The following TET1 variants were observed in gnomAD, a reference collection of about 807,000 sequenced individuals.
TET1 encodes tet methylcytosine dioxygenase 1, also known as methylcytosine dioxygenase TET1.
In TET1, 13 loss-of-function variants were observed where a neutral mutation model predicts 148.7. That is an observed-to-expected ratio of 0.09 (90% CI 0.06 to 0.14). TET1 has a LOEUF of 0.14. Among genes scored for constraint, TET1 ranks in the 10% least tolerant of loss-of-function variants. The pLI, the probability that TET1 is intolerant of heterozygous loss-of-function variation, is 1.00. For synonymous variants in TET1, 907 were observed against 937.2 expected, an observed-to-expected ratio of 0.97 and a Z score of 0.59; for missense variants, 2,182 against 2,553.8, an observed-to-expected ratio of 0.85 and a Z score of 3.14.
chr10:68,689,591 C>T (rs2133244200), intron 11 of TET1, among the ~76,000 whole-genome samples: 1 of 152,198 alleles, frequency 6.6e-6, no homozygotes, highest in East Asian at 1.9e-4. Context: ...TCCTGGCCAA[C>T]ATGGTGAAAC....
chr10:68,600,481 G>C (rs908530460), intron 2 of TET1, among the ~76,000 whole-genome samples: 1 of 152,176 alleles, frequency 6.6e-6, no homozygotes, highest in African/African-American at 2.4e-5. Context: ...GAGATCCTTT[G>C]TCTAGGAAGG....
chr10:68,578,691 G>A (rs900358208), intron 2 of TET1, among the ~76,000 whole-genome samples: 1 of 136,240 alleles, frequency 7.3e-6, no homozygotes, highest in Admixed American at 7.4e-5. Context: ...ACATTTTCAG[G>A]AGCAAAATGG....
Position 68,681,412 on chromosome 10 carries a change from A to G in TET1, c.4838A>G (p.Glu1613Gly). 1 of 1,613,322 alleles carries G rather than the reference A, an allele frequency of 6.2e-7. No homozygotes were observed. The highest frequency in any genetic ancestry group is 8.5e-7 in the Non-Finnish European group (1 of 1,179,520). The change falls in exon 9 of 12, where the codon GAA becomes GGA. Residue 1613 changes from glutamate (E) to glycine (G), a missense_variant. Around this residue, in one of 11 missense-constraint regions of TET1, gnomAD observed 55 missense variants for 149.8 expected, o/e 0.37. Transcript: ENST00000373644. The stretch of plus-strand genomic sequence containing the variant: ...GTTTTCCTATAGGAAAAAAACCTTG[A>G]AGATAACTTACAGAGTTTGGCTACA... ...PSSPLHEKNL[E>G]DNLQSLATRL... is the part of the protein sequence containing the mutation.
intron 3 of TET1, among the ~76,000 whole-genome samples, chr10:68,633,265 C>A (rs1357332214): frequency 2.0e-5 from 3 of 152,018 alleles, no homozygotes. Flanking sequence ...TGAACATAAA[C>A]CTTATTTGTA....
chr10:68,563,914 T>C (rs564278684), intron 1 of TET1, among the ~76,000 whole-genome samples: 79 of 152,248 alleles, frequency 5.2e-4, no homozygotes, highest in African/African-American at 1.8e-3. Context: ...ACTCCTGACC[T>C]GAGGTGATCT....
At chr10:68,653,956 A>C (rs904000786) in intron 6 of TET1, among the ~76,000 whole-genome samples, 1 of 151,750 alleles carries the variant, frequency 6.6e-6, no homozygotes, top group Non-Finnish European at 1.5e-5. Context: ...AAAATACATA[A>C]ATTAGCTGGG....
Position 68,641,409 on chromosome 10 carries a change from T to G in TET1, c.1969-3289T>G, listed in dbSNP as rs576366050. On this transcript the variant is annotated intron_variant, in intron 3 of 11. Transcript: ENST00000373644. Reference sequence around the variant, plus strand: ...GTTTTGAATTTCTATGTTTGTGACCTAGGCCAGTTCACATCTCCTTAGGCA... The same window carrying G: ...GTTTTGAATTTCTATGTTTGTGACCGAGGCCAGTTCACATCTCCTTAGGCA... Among the ~76,000 whole-genome samples, 11 of 152,258 alleles carry G rather than the reference T, an allele frequency of 7.2e-5. No individual in the cohort carries two copies. In the East Asian group the frequency reaches 1.2e-3, roughly 16 times the overall value.
At chr10:68,679,348 A>G (rs976426295) in intron 8 of TET1, among the ~76,000 whole-genome samples, 1 of 152,246 alleles carries the variant, frequency 6.6e-6, no homozygotes, top group Non-Finnish European at 1.5e-5. Flanking sequence ...GGTCCACAAC[A>G]GAATAAATAT....
chr10:68,638,178 C>G (rs1490250179), intron 3 of TET1, among the ~76,000 whole-genome samples: 5 of 152,132 alleles, frequency 3.3e-5, no homozygotes, highest in East Asian at 1.9e-4. Flanking sequence ...CTCTATACTT[C>G]TTAGTAGTGT....
At chr10:68,689,883 A>G (rs572405238) in intron 11 of TET1, among the ~76,000 whole-genome samples, 4 of 152,172 alleles carry the variant, frequency 2.6e-5, no homozygotes, top group Non-Finnish European at 4.4e-5. Context: ...CCCACAGTTG[A>G]CATCTTGAGA....
chr10:68,652,845 ATTTTT>A (rs71019047), intron 6 of TET1, among the ~76,000 whole-genome samples: 1 of 101,214 alleles, frequency 9.9e-6, no homozygotes. Context: ...AACCCGGCTA[ATTTTT>A]TTTTTTTTTT....
At chr10:68,606,505 A>C (rs992703892) in intron 3 of TET1, among the ~76,000 whole-genome samples, 2 of 152,172 alleles carry the variant, frequency 1.3e-5, no homozygotes. Flanking sequence ...TTTTAAACAG[A>C]CGGTTATAAT....
intron 3 of TET1, among the ~76,000 whole-genome samples, chr10:68,612,908 A>G (rs2054237750): frequency 6.6e-6 from 1 of 152,130 alleles, no homozygotes; most frequent in Non-Finnish European, 1.5e-5. Context: ...ATGACCCACC[A>G]TGCCTGGCTG....
intron 6 of TET1, among the ~76,000 whole-genome samples, chr10:68,655,660 T>C (rs543651206): frequency 1.3e-5 from 2 of 152,304 alleles, no homozygotes; most frequent in East Asian, 1.9e-4. Flanking sequence ...AGTTTTTTTG[T>C]TTTTGTTTTT....
chr10:68,613,024 C>A (rs1279266551), intron 3 of TET1, among the ~76,000 whole-genome samples: 2 of 152,146 alleles, frequency 1.3e-5, no homozygotes, highest in African/African-American at 2.4e-5. Context: ...ATACATTTAT[C>A]TTTTTAATGA....
chr10:68,642,765 C>A (rs936150461), intron 3 of TET1, among the ~76,000 whole-genome samples: 29 of 152,098 alleles, frequency 1.9e-4, no homozygotes, highest in African/African-American at 7.0e-4. Context: ...CCACCACGCC[C>A]AGCTAATTTT....
Position 68,693,163 on chromosome 10 carries a change from A to G in TET1, c.*1349A>G. ...TCTAGGTAACAGGAAAACAGGCATTAAGTTTATTTTAGTCTTCCCATTTTC... is the reference window on the plus strand; with the variant it reads ...TCTAGGTAACAGGAAAACAGGCATTGAGTTTATTTTAGTCTTCCCATTTTC... On this transcript the variant is annotated 3_prime_UTR_variant, in exon 12 of 12. Transcript: ENST00000373644. 1 of 231,712 alleles carries G rather than the reference A, an allele frequency of 4.3e-6. No individual in the cohort carries two copies. Among genetic ancestry groups the G allele is most frequent in the Non-Finnish European group, 8.5e-6 (1 of 117,470 alleles). The allele number at this position is 231,712 out of a possible 1,614,324, so 14.4% of individuals were successfully genotyped here.
At chr10:68,631,433 C>CTTTTTTTTTTTT (rs546257824) in intron 3 of TET1, among the ~76,000 whole-genome samples, 182 of 110,552 alleles carry the variant, frequency 1.6e-3, no homozygotes, top group African/African-American at 2.1e-3. Context: ...TTTCTTTCTT[C>CTTTTTTTTTTTT]TTTTTTTTTT....
At chr10:68,624,959 C>T (rs941573202) in intron 3 of TET1, among the ~76,000 whole-genome samples, 10 of 151,836 alleles carry the variant, frequency 6.6e-5, no homozygotes, top group South Asian at 2.1e-4. Flanking sequence ...TGGTCTCGAT[C>T]TCCTGACCTC....
Sources: gnomAD v4.1 joint callset for allele counts (sites outside exome capture counted in the v4.1 genomes callset) on GRCh38, gnomAD v4.1.1 for gene constraint, gnomAD v4.1.1 regional missense constraint, MANE v1.5 for transcripts, NCBI Gene and HGNC (gene_info 2026-07-23, HGNC 2026-07-21) for gene names.